The following ACSM6 variants were observed in gnomAD, a reference collection of about 807,000 sequenced individuals.
The protein encoded by ACSM6 is acyl-coenzyme A synthetase ACSM6, mitochondrial.
ACSM6 carries 35 observed loss-of-function variants against 51.1 expected under a neutral mutation model. The observed-to-expected ratio is 0.69, with a 90% CI of 0.52 to 0.91. The LOEUF (loss-of-function observed/expected upper bound fraction) is 0.91, where lower values mean the gene tolerates loss of function less well. Among genes scored for constraint, ACSM6 ranks in the 40% least tolerant of loss-of-function variants. ACSM6 has a pLI of 0.00. For synonymous variants in ACSM6, 172 were observed against 207.3 expected, an observed-to-expected ratio of 0.83 and a Z score of 1.46; for missense variants, 509 against 584.1, an observed-to-expected ratio of 0.87 and a Z score of 1.32.
intron 2 of ACSM6, among the ~76,000 whole-genome samples, chr10:95,197,408 A>G (rs971812129): frequency 6.6e-6 from 1 of 152,208 alleles, no homozygotes; most frequent in Admixed American, 6.5e-5. Flanking sequence ...GCAAAAAGGA[A>G]TGTAGTAGGA....
chr10:95,209,760 AAT>A (rs1443454750), intron 4 of ACSM6, among the ~76,000 whole-genome samples: 4 of 152,038 alleles, frequency 2.6e-5, no homozygotes, highest in African/African-American at 4.8e-5. Context: ...ATATTTATGT[AAT>A]GTTTTCATAA....
intron 7 of ACSM6, among the ~76,000 whole-genome samples, chr10:95,213,716 G>A (rs2034918388): frequency 6.6e-6 from 1 of 152,158 alleles, no homozygotes; most frequent in Non-Finnish European, 1.5e-5. Flanking sequence ...AAGTAGAATT[G>A]CCAATCATCA....
intron 10 of ACSM6, chr10:95,226,019 T>C (rs184984748): frequency 1.3e-5 from 2 of 152,232 alleles, no homozygotes; most frequent in Admixed American, 6.5e-5. Flanking sequence ...AAGACTATTA[T>C]GTAGATGATG....
chr10:95,211,979 G>A (rs749545316), exon 6 of ACSM6: 47 of 1,614,074 alleles, frequency 2.9e-5, no homozygotes, highest in Non-Finnish European at 3.6e-5. Flanking sequence ...TGGTTCCAAG[G>A]AGCCTGTGTG....
chr10:95,194,590 C>G (rs1441910022), exon 2 of ACSM6: 1 of 1,552,136 alleles, frequency 6.4e-7, no homozygotes, highest in East Asian at 2.4e-5. Flanking sequence ...CCATCAGACC[C>G]CCTGACTCCA....
intron 2 of ACSM6, among the ~76,000 whole-genome samples, chr10:95,199,736 C>A (rs843794): frequency 0.52 from 78,683 of 151,758 alleles, 21,296 homozygotes; most frequent in Middle Eastern, 0.66. Context: ...ATGCAGCCAA[C>A]AGACACATGA....
At chr10:95,199,482 A>G (rs1327663501) in intron 2 of ACSM6, among the ~76,000 whole-genome samples, 1 of 152,090 alleles carries the variant, frequency 6.6e-6, no homozygotes, top group Non-Finnish European at 1.5e-5. Context: ...AATGGCAACA[A>G]AAGCCAAAAT....
chr10:95,202,761 T>TA (rs1049336737), intron 3 of ACSM6, among the ~76,000 whole-genome samples: 7 of 146,608 alleles, frequency 4.8e-5, no homozygotes, highest in Admixed American at 2.7e-4. Flanking sequence ...CCAACTCCAC[T>TA]AAAAAAAAAC....
At chr10:95,223,579 A>G (rs2035013424) in intron 9 of ACSM6, among the ~76,000 whole-genome samples, 2 of 152,224 alleles carry the variant, frequency 1.3e-5, no homozygotes, top group Non-Finnish European at 2.9e-5. Flanking sequence ...AAATCACATG[A>G]TCATCTCAAC....
intron 6 of ACSM6, 140 bp downstream of exon 6, chr10:95,212,174 T>A: frequency 5.9e-6 from 6 of 1,014,054 alleles, no homozygotes; most frequent in Non-Finnish European, 7.3e-6. Context: ...ATGCTCTCCC[T>A]GCTTGTGAGA....
At chr10:95,216,494 T>C (rs1324928748) in intron 8 of ACSM6, among the ~76,000 whole-genome samples, 2 of 152,106 alleles carry the variant, frequency 1.3e-5, no homozygotes, top group Admixed American at 6.5e-5. Flanking sequence ...AAAGGAAAGA[T>C]AATGAACCTC....
intron 3 of ACSM6, among the ~76,000 whole-genome samples, chr10:95,202,717 A>C (rs1359637582): frequency 6.6e-6 from 1 of 152,060 alleles, no homozygotes; most frequent in Admixed American, 6.6e-5. Context: ...TGAGCTTAGA[A>C]GTTTGAGACC....
chr10:95,201,771 T>C, intron 2 of ACSM6: 1 of 591,130 alleles, frequency 1.7e-6, no homozygotes, highest in Non-Finnish European at 3.0e-6. Context: ...TTCCCTAGGC[T>C]CATGCCTGAC....
At chr10:95,201,628 A>C in intron 2 of ACSM6, 1 of 469,210 alleles carries the variant, frequency 2.1e-6, no homozygotes, top group Non-Finnish European at 4.2e-6. Flanking sequence ...ACATGAATGC[A>C]GGTGTCTTTT....
chr10:95,197,755 C>A (rs993087001), intron 2 of ACSM6, among the ~76,000 whole-genome samples: 13 of 152,216 alleles, frequency 8.5e-5, no homozygotes, highest in Non-Finnish European at 1.3e-4. Flanking sequence ...TACTAATCCA[C>A]CTCAGCACAG....
At chr10:95,214,704 T>C (rs1286233972) in intron 7 of ACSM6, 148 bp from the exon 8 acceptor site, 6 of 815,036 alleles carry the variant, frequency 7.4e-6, no homozygotes, top group Non-Finnish European at 1.1e-5. Flanking sequence ...GATTATCTAA[T>C]AGAGTAGTAT....
intron 2 of ACSM6, among the ~76,000 whole-genome samples, chr10:95,200,846 G>C (rs2034788101): frequency 6.6e-6 from 1 of 151,264 alleles, no homozygotes; most frequent in Non-Finnish European, 1.5e-5. Context: ...CAGAAAGGAG[G>C]AAAAAAGGAA....
At chr10:95,222,439 A>G (rs755966130) in intron 9 of ACSM6, among the ~76,000 whole-genome samples, 2 of 152,156 alleles carry the variant, frequency 1.3e-5, no homozygotes, top group Non-Finnish European at 2.9e-5. Context: ...CCTGGCCAAC[A>G]TGGCAAAACC....
At chr10:95,208,925 G>A (rs1434816647) in intron 4 of ACSM6, among the ~76,000 whole-genome samples, 1 of 95,706 alleles carries the variant, frequency 1.0e-5, no homozygotes, top group East Asian at 2.5e-4. Flanking sequence ...TCAGTGTCCA[G>A]GGATGTTTAA....
Sources: allele counts gnomAD v4.1 joint callset (sites outside exome capture counted in the v4.1 genomes callset), GRCh38; gene constraint gnomAD v4.1.1; transcripts MANE v1.5; gene names NCBI Gene and HGNC (gene_info 2026-07-23, HGNC 2026-07-21).